UVRAG: variants seen among roughly 807,000 people sequenced by gnomAD.
UVRAG encodes the protein UV radiation resistance associated, also known as UV radiation resistance-associated gene protein.
Under a neutral mutation model 78.0 loss-of-function variants are expected in UVRAG, and 19 were observed. The ratio of observed to expected loss-of-function variants is 0.24; its 90% CI spans 0.17 to 0.36. The LOEUF (loss-of-function observed/expected upper bound fraction) is 0.36. UVRAG is among the 10% of genes least tolerant of loss of function. The pLI is 1.00. For synonymous variants in UVRAG, 323 were observed against 324.6 expected, an observed-to-expected ratio of 1.00 and a Z score of 0.05; for missense variants, 740 against 853.8, an observed-to-expected ratio of 0.87 and a Z score of 1.66.
At chr11:75,982,337 C>CA (rs1949410505) in intron 7 of UVRAG, among the ~76,000 whole-genome samples, 1 of 152,166 alleles carries the variant, frequency 6.6e-6, no homozygotes, top group South Asian at 2.1e-4. Flanking sequence ...AGTGGCTCCC[C>CA]ACTAGGCCTC....
chr11:76,087,407 G>A (rs1245984797), intron 13 of UVRAG, among the ~76,000 whole-genome samples: 1 of 152,092 alleles, frequency 6.6e-6, no homozygotes. Context: ...CACGCTTCAT[G>A]TCCTCAGTGA....
At chr11:75,879,751 C>T in intron 3 of UVRAG, 128 bp from the exon 4 acceptor site, 1 of 1,239,160 alleles carries the variant, frequency 8.1e-7, no homozygotes, top group Non-Finnish European at 1.1e-6. Context: ...TCTTGGCTTA[C>T]TTAAGTTTGC....
intron 6 of UVRAG, among the ~76,000 whole-genome samples, chr11:75,933,175 A>G (rs1244927033): frequency 2.0e-5 from 3 of 152,212 alleles, no homozygotes; most frequent in Non-Finnish European, 1.5e-5. Context: ...GACCAGTGGA[A>G]CAGAATAAAG....
chr11:75,978,023 T>C (rs1049252236), intron 7 of UVRAG, among the ~76,000 whole-genome samples: 2 of 152,184 alleles, frequency 1.3e-5, no homozygotes, highest in African/African-American at 4.8e-5. Context: ...GTTCTTTCCA[T>C]GTTTAGCGCT....
chr11:76,078,635 G>A (rs756714016), intron 13 of UVRAG, among the ~76,000 whole-genome samples: 1 of 151,524 alleles, frequency 6.6e-6, no homozygotes, highest in Non-Finnish European at 1.5e-5. Flanking sequence ...CGGGTGCGGT[G>A]GCTCACACCT....
rs576193624 is a variant in UVRAG, at chr11:76,120,746, G to A, written c.1397+4731G>A. Among the ~76,000 whole-genome samples the A allele has an allele frequency of 9.5e-4, 145 of 152,284 alleles. 4 individuals are homozygous for A. The South Asian group carries it at 0.029, about 30-fold the overall frequency. On this transcript the variant is annotated intron_variant, in intron 14 of 14. Transcript: ENST00000356136. ...CATATCAGTTCCAAGTAAAGATCAC[G>A]GCAGGAAGCCAGGCTGGAAGTCACA... is the stretch of plus-strand genomic sequence containing the variant.
chr11:75,955,668 G>A (rs1948781536), intron 6 of UVRAG, among the ~76,000 whole-genome samples: 1 of 152,162 alleles, frequency 6.6e-6, no homozygotes, highest in Non-Finnish European at 1.5e-5. Flanking sequence ...GGGAGGCTGA[G>A]GCGGAAGGAT....
At chr11:75,821,620 G>C (rs1011215104) in intron 1 of UVRAG, among the ~76,000 whole-genome samples, 3 of 152,156 alleles carry the variant, frequency 2.0e-5, no homozygotes, top group African/African-American at 7.2e-5. Flanking sequence ...TACAGCATGA[G>C]CCACCACACC....
intron 14 of UVRAG, among the ~76,000 whole-genome samples, chr11:76,126,207 C>G (rs1952389155): frequency 6.6e-6 from 1 of 152,010 alleles, no homozygotes; most frequent in Non-Finnish European, 1.5e-5. Flanking sequence ...TCCCAAAGTG[C>G]TGGGATTACA....
chr11:75,815,295 G>A lies in UVRAG; in HGVS notation c.-113G>A. 1 of 529,264 alleles carries A rather than the reference G, an allele frequency of 1.9e-6. No homozygotes were observed. The highest frequency in any genetic ancestry group is 3.0e-6 in the Non-Finnish European group (1 of 336,796). The allele number at this position is 529,264 out of a possible 1,614,324, so 32.8% of individuals were successfully genotyped here. A position where few individuals can be genotyped will look rare whatever the true frequency, so the allele number is the denominator to read the frequency against. ...GCTACTGTCTGGGCTGAGCAGTAGT[G>A]CCTCTCGGGTGGCGGGTTTCTAGGC... On this transcript the variant is annotated 5_prime_UTR_variant, in exon 1 of 15. Coordinates refer to ENST00000356136, the MANE Select transcript of UVRAG (RefSeq NM_003369.4).
intron 12 of UVRAG, among the ~76,000 whole-genome samples, chr11:76,057,789 T>C (rs545770784): frequency 6.6e-6 from 1 of 152,328 alleles, no homozygotes; most frequent in South Asian, 2.1e-4. Context: ...TGCTTTACTT[T>C]GGCCATAATA....
chr11:75,971,612 TGCTTG>T (rs1949122629), intron 7 of UVRAG, among the ~76,000 whole-genome samples: 1 of 152,228 alleles, frequency 6.6e-6, no homozygotes. Flanking sequence ...TCTTTTCATA[TGCTTG>T]CCATCTATAT....
At chr11:76,131,224 G>A (rs1030114835) in intron 14 of UVRAG, among the ~76,000 whole-genome samples, 3 of 152,192 alleles carry the variant, frequency 2.0e-5, no homozygotes, top group African/African-American at 7.2e-5. Flanking sequence ...AAGCTGATGA[G>A]TGAAGTGGTT....
intron 4 of UVRAG, among the ~76,000 whole-genome samples, chr11:75,886,450 C>A (rs1046582580): frequency 3.9e-5 from 6 of 152,126 alleles, no homozygotes; most frequent in Non-Finnish European, 8.8e-5. Flanking sequence ...TAATTTTAAT[C>A]TTTTTTTCCC....
rs564216795 is a variant in UVRAG at position 75,962,733 on chromosome 11, T to TGTAG, written c.699+1185_699+1188dup. On this transcript the variant is annotated intron_variant, in intron 7 of 14. Coordinates refer to ENST00000356136, the MANE Select transcript of UVRAG (RefSeq NM_003369.4). ...AAAAATCACTAATTTTAATTCTTTC[T>TGTAG]GTAGTGTATAAAAATGCTGGATTTT... 1.3e-4 allele frequency among the ~76,000 whole-genome samples: 20 copies of TGTAG among 152,284 alleles called. No homozygotes were observed. In the East Asian group the frequency reaches 3.5e-3, roughly 26 times the overall value.
intron 2 of UVRAG, among the ~76,000 whole-genome samples, chr11:75,861,300 A>G (rs1056295077): frequency 5.3e-5 from 8 of 152,218 alleles, no homozygotes; most frequent in Admixed American, 5.2e-4. Context: ...AAAACTGTCA[A>G]CCAGTTAACC....
intron 12 of UVRAG, among the ~76,000 whole-genome samples, chr11:76,060,706 G>A (rs1034135050): frequency 6.6e-6 from 1 of 152,294 alleles, no homozygotes; most frequent in African/African-American, 2.4e-5. Context: ...CTTAGCACCC[G>A]GGCCAGTGGC....
chr11:75,823,568 C>T lies in UVRAG; in HGVS notation c.117+8044C>T, dbSNP rs75860331. On this transcript the variant is annotated intron_variant, in intron 1 of 14. Transcript: ENST00000356136. ...CAGGCTGGTCTCTACCTCCTGGCTT[C>T]GAGCAATCCTCCCGCCTTGGCCTCC... Among the ~76,000 whole-genome samples, 226 of 152,294 alleles carry T rather than the reference C, an allele frequency of 1.5e-3. 2 individuals carry two copies. Among genetic ancestry groups the T allele is most frequent in the African/African-American group, 5.3e-3 (219 of 41,548 alleles).
chr11:75,974,920 G>A (rs1356121051), intron 7 of UVRAG, among the ~76,000 whole-genome samples: 1 of 152,154 alleles, frequency 6.6e-6, no homozygotes, highest in African/African-American at 2.4e-5. Flanking sequence ...TGTTGCTGTT[G>A]CTTTTGGTGT....
Sources: allele counts gnomAD v4.1 joint callset (sites outside exome capture counted in the v4.1 genomes callset), GRCh38; gene constraint gnomAD v4.1.1; transcripts MANE v1.5; gene names NCBI Gene and HGNC (gene_info 2026-07-23, HGNC 2026-07-21).